Variants in DDX19A observed in about 807,000 individuals in gnomAD.
DDX19A encodes the protein DEAD-box helicase 19A.
In DDX19A, 12 loss-of-function variants were observed where a neutral mutation model predicts 60.6. The observed-to-expected ratio is 0.20, with a 90% CI of 0.13 to 0.32. The LOEUF is 0.32. Ranked by LOEUF, DDX19A falls within the 10% of genes least tolerant of loss-of-function variation. DDX19A has a pLI of 1.00. For synonymous variants in DDX19A, 206 were observed against 218.2 expected, an observed-to-expected ratio of 0.94 and a Z score of 0.49; for missense variants, 337 against 600.6, an observed-to-expected ratio of 0.56 and a Z score of 4.59.
rs2047285446 is a variant in DDX19A at position 70,372,252 on chromosome 16, C to A, written c.*266C>A. ...TCCCCCATCTTTATAATAATCTGGTCACAGTGGTAGTCGCTGGCCCCAGGA... is the reference window on the plus strand; with the variant it reads ...TCCCCCATCTTTATAATAATCTGGTAACAGTGGTAGTCGCTGGCCCCAGGA... On this transcript the variant is annotated 3_prime_UTR_variant, in exon 12 of 12. Transcript: ENST00000302243. 1.8e-6 allele frequency: 1 copy of A among 567,718 alleles called. No individual in the cohort carries two copies. Among genetic ancestry groups the A allele is most frequent in the Non-Finnish European group, 3.1e-6 (1 of 321,548 alleles). 35.2% of individuals were successfully genotyped at this position (567,718 alleles called of 1,614,324 possible).
intron 4 of DDX19A, among the ~76,000 whole-genome samples, chr16:70,360,139 G>C (rs1025554364): frequency 6.6e-6 from 1 of 151,928 alleles, no homozygotes. Flanking sequence ...AAATTAGCCA[G>C]GTGTGGCAGT....
chr16:70,356,908 T>A, intron 4 of DDX19A: 2 of 1,217,496 alleles, frequency 1.6e-6, no homozygotes, highest in South Asian at 1.3e-5. Context: ...TCTGATTAGG[T>A]AAGCCCTTAA....
Position 70,346,954 on chromosome 16 carries a change from C to G in DDX19A, c.-38C>G. 1 of 1,598,458 alleles carries G rather than the reference C, an allele frequency of 6.3e-7. No individual in the cohort carries two copies. Among genetic ancestry groups the G allele is most frequent in the Non-Finnish European group, 8.5e-7 (1 of 1,172,082 alleles). On this transcript the variant is annotated 5_prime_UTR_variant, in exon 1 of 12. Transcript: ENST00000302243. Reference sequence around the variant, plus strand: ...GGGCCCGCGTTGCGACGTGGTGCAGCGCATATTTTCACAAGTGGGTCTCCC... The same window carrying G: ...GGGCCCGCGTTGCGACGTGGTGCAGGGCATATTTTCACAAGTGGGTCTCCC...
chr16:70,351,159 G>A (rs1398427243), intron 2 of DDX19A, among the ~76,000 whole-genome samples: 1 of 151,622 alleles, frequency 6.6e-6, no homozygotes, highest in Non-Finnish European at 1.5e-5. Context: ...TGGGATTACA[G>A]GTGTGAGCCA....
chr16:70,364,506 C>G (rs1567655297), intron 5 of DDX19A, 37 bp from the exon 6 acceptor site: 1 of 1,489,040 alleles, frequency 6.7e-7, no homozygotes, highest in Non-Finnish European at 9.4e-7. Flanking sequence ...CTGAGTTTCA[C>G]CAATTTAAGT....
rs922170748 is a variant in DDX19A at position 70,366,426 on chromosome 16, C to A, written c.782+164C>A. The A allele has an allele frequency of 1.8e-5, 23 of 1,279,470 alleles. No homozygotes were observed. The African/African-American group carries it at 3.1e-4, about 17-fold the overall frequency. 79.3% of individuals were successfully genotyped at this position (1,279,470 alleles called of 1,614,324 possible). A position where few individuals can be genotyped will look rare whatever the true frequency, so the allele number is the denominator to read the frequency against. ...CATGTCAGCGCTGATCACAGTCCCTCCCAACCTGGGTTGAGAAAGGAGACC... is the reference window on the plus strand; with the variant it reads ...CATGTCAGCGCTGATCACAGTCCCTACCAACCTGGGTTGAGAAAGGAGACC... On this transcript the variant is annotated intron_variant, in intron 8 of 11. Coordinates refer to ENST00000302243, the MANE Select transcript of DDX19A (RefSeq NM_018332.5).
intron 2 of DDX19A, among the ~76,000 whole-genome samples, chr16:70,351,362 C>T (rs1964011790): frequency 6.6e-6 from 1 of 151,598 alleles, no homozygotes; most frequent in Non-Finnish European, 1.5e-5. Flanking sequence ...TCCACCACCA[C>T]ACCTGGCTAA....
chr16:70,357,362 G>GTTTT (rs1248365917), intron 4 of DDX19A, among the ~76,000 whole-genome samples: 42 of 48,860 alleles, frequency 8.6e-4, no homozygotes, highest in East Asian at 2.0e-3. Context: ...TCTGTTTTTG[G>GTTTT]TTTGTTTTTT....
At chr16:70,361,660 G>T in intron 5 of DDX19A, 150 bp downstream of exon 5, 1 of 597,682 alleles carries the variant, frequency 1.7e-6, no homozygotes, top group Non-Finnish European at 2.9e-6. Flanking sequence ...GAATCGGATG[G>T]AGTTAGCTAC....
chr16:70,368,019 TA>T (rs962083425), intron 9 of DDX19A, among the ~76,000 whole-genome samples: 3 of 151,764 alleles, frequency 2.0e-5, no homozygotes, highest in African/African-American at 4.8e-5. Flanking sequence ...CTAAAACACT[TA>T]AAAAAAATTA....
chr16:70,366,161 C>G lies in DDX19A; in HGVS notation c.681C>G (p.Leu227=), dbSNP rs1408033572. 6.2e-7 allele frequency: 1 copy of G among 1,614,026 alleles called. No homozygotes were observed. The highest frequency in any genetic ancestry group is 1.3e-5 in the African/African-American group (1 of 74,886). ...PGTVLDWCSK[L]KFIDPKKIKV... ...CCGTGCTGGACTGGTGCTCCAAGCT[C>G]AAGTTCATTGATCCCAAGAAAATCA... is the stretch of plus-strand genomic sequence containing the variant. Residue 227 remains leucine, a synonymous_variant, in exon 8 of 12, where the codon CTC becomes CTG. Transcript: ENST00000302243.
chr16:70,360,346 G>A (rs1319566082), intron 4 of DDX19A, among the ~76,000 whole-genome samples: 4 of 120,198 alleles, frequency 3.3e-5, no homozygotes, highest in Non-Finnish European at 6.6e-5. Flanking sequence ...TTTAAGAGAT[G>A]ACCTGGCCTT....
chr16:70,358,934 G>A (rs7205990), intron 4 of DDX19A, among the ~76,000 whole-genome samples: 10,782 of 152,208 alleles, frequency 0.071, 1,286 homozygotes, highest in African/African-American at 0.25. Context: ...TTATTTTTAA[G>A]CTGTATCAGG....
At chr16:70,366,038 T>C (rs1964509595) in intron 7 of DDX19A, 47 bp from the exon 8 acceptor site, 2 of 1,613,958 alleles carry the variant, frequency 1.2e-6, no homozygotes, top group East Asian at 4.5e-5. Context: ...TTTCCAGAGC[T>C]GGCTTTGCCT....
chr16:70,354,355 C>T (rs1398776848), intron 2 of DDX19A, among the ~76,000 whole-genome samples: 5 of 152,052 alleles, frequency 3.3e-5, no homozygotes, highest in African/African-American at 4.8e-5. Context: ...CCATGTTGGT[C>T]AGGCTGGTCT....
chr16:70,354,394 G>A (rs1041144989), intron 2 of DDX19A, among the ~76,000 whole-genome samples: 4 of 152,060 alleles, frequency 2.6e-5, no homozygotes, highest in Non-Finnish European at 5.9e-5. Context: ...TGATCCACCC[G>A]CCTCAGCCTC....
intron 6 of DDX19A, 159 bp from the exon 7 acceptor site, chr16:70,364,858 A>G: frequency 4.4e-6 from 3 of 680,714 alleles, no homozygotes; most frequent in Non-Finnish European, 5.0e-6. Context: ...AGCCAGGGCT[A>G]CCTGCTGCAG....
intron 4 of DDX19A, among the ~76,000 whole-genome samples, chr16:70,356,533 T>C (rs1015968155): frequency 2.0e-5 from 3 of 151,988 alleles, no homozygotes; most frequent in African/African-American, 7.2e-5. Context: ...ATTTTTTGTA[T>C]TTTTAGTAGA....
intron 2 of DDX19A, among the ~76,000 whole-genome samples, chr16:70,354,558 C>T (rs1567650457): frequency 6.6e-6 from 1 of 152,166 alleles, no homozygotes; most frequent in Admixed American, 6.6e-5. Context: ...AAATGGTAGA[C>T]TATGTTTGCT....
Sources: gnomAD v4.1 joint callset for allele counts (sites outside exome capture counted in the v4.1 genomes callset) on GRCh38, gnomAD v4.1.1 for gene constraint, MANE v1.5 for transcripts, NCBI Gene and HGNC (gene_info 2026-07-23, HGNC 2026-07-21) for gene names.